Variants in LRRFIP1 observed in about 807,000 individuals in gnomAD.
The protein encoded by LRRFIP1 is LRR binding FLII interacting protein 1, also known as leucine-rich repeat flightless-interacting protein 1.
In LRRFIP1, 62 loss-of-function variants were observed where a neutral mutation model predicts 104.4. That is an observed-to-expected ratio of 0.59 (90% CI 0.48 to 0.73). The LOEUF (loss-of-function observed/expected upper bound fraction) is 0.73. Among genes scored for constraint, LRRFIP1 ranks in the 30% least tolerant of loss-of-function variants. The pLI, the probability that LRRFIP1 is intolerant of heterozygous loss-of-function variation, is 0.00. For synonymous variants in LRRFIP1, 300 were observed against 299.0 expected (o/e 1.00, Z -0.03); for missense variants, 796 against 824.5 (o/e 0.97, Z 0.42).
At chr2:237,658,446 T>C (rs1002001591) in intron 1 of LRRFIP1, among the ~76,000 whole-genome samples, 2 of 152,192 alleles carry the variant, frequency 1.3e-5, no homozygotes, top group African/African-American at 2.4e-5. Flanking sequence ...AAAACTTGTA[T>C]GGAAAAATTA....
Position 237,747,738 on chromosome 2 carries a change from A to G in LRRFIP1, c.634-626A>G, listed in dbSNP as rs548677530. Among the ~76,000 whole-genome samples the G allele has an allele frequency of 1.7e-4, 26 of 152,258 alleles. No individual in the cohort carries two copies. In the South Asian group the frequency reaches 5.0e-3, roughly 29 times the overall value. Reference sequence around the variant, plus strand: ...TACGGGAAGTTGGGTTGAAGGCATGATGGGGAAAACATGATTAGTTGACAG... The same window carrying G: ...TACGGGAAGTTGGGTTGAAGGCATGGTGGGGAAAACATGATTAGTTGACAG... On this transcript the variant is annotated intron_variant, in intron 11 of 23. Coordinates refer to ENST00000308482, the MANE Select transcript of LRRFIP1 (RefSeq NM_001137550.2).
In LRRFIP1 at chr2:237,756,143, G is replaced by A. The variant is rs779001514; in HGVS notation, c.1087G>A (p.Ala363Thr). The change falls in exon 16 of 24, where the codon GCT (alanine) becomes ACT (threonine). Residue 363 changes from alanine (A) to threonine (T), a missense_variant. Coordinates refer to ENST00000308482, the MANE Select transcript of LRRFIP1 (RefSeq NM_001137550.2). Reference sequence around the variant, plus strand: ...CCACAGTATACTGCAATTTCAGTTTGCTGAAGTCAAGGAGGCCCTGAAGCA... The same window carrying A: ...CCACAGTATACTGCAATTTCAGTTTACTGAAGTCAAGGAGGCCCTGAAGCA... ...HAHSILQFQFAEVKEALKQRE... is the reference protein window; with the variant it reads ...HAHSILQFQFTEVKEALKQRE... The A allele has an allele frequency of 6.2e-7, 1 of 1,614,080 alleles. No homozygotes were observed. Among genetic ancestry groups the A allele is most frequent in the Non-Finnish European group, 8.5e-7 (1 of 1,179,994 alleles).
intron 1 of LRRFIP1, among the ~76,000 whole-genome samples, chr2:237,674,909 C>T (rs2090906530): frequency 6.6e-6 from 1 of 152,264 alleles, no homozygotes; most frequent in Non-Finnish European, 1.5e-5. Context: ...CACTGCAAAC[C>T]CTCCCTTCCT....
Position 237,779,518 on chromosome 2 carries a change from T to C in LRRFIP1, c.1909T>C (p.Leu637=), listed in dbSNP as rs750810705. 3 of 1,613,308 alleles carry C rather than the reference T, an allele frequency of 1.9e-6. No individual in the cohort carries two copies. In the Admixed American group the frequency reaches 5.0e-5, roughly 27 times the overall value. The change falls in exon 24 of 24, where the codon TTG becomes CTG. Residue 637 remains leucine, a synonymous_variant. Coordinates refer to ENST00000308482, the MANE Select transcript of LRRFIP1 (RefSeq NM_001137550.2). ...AATGAAAGCAAATCGGAGTGCACTCTTGTCCCAGCAGTAAATTCCAGCTCT... is the reference window on the plus strand; with the variant it reads ...AATGAAAGCAAATCGGAGTGCACTCCTGTCCCAGCAGTAAATTCCAGCTCT... ...EKMKANRSAL[L]SQQ is the part of the protein sequence containing the mutation.
At chr2:237,708,400 C>G (rs560606184) in intron 1 of LRRFIP1, 144 bp from the exon 2 acceptor site, 35 of 615,254 alleles carry the variant, frequency 5.7e-5, no homozygotes, top group Middle Eastern at 4.5e-4. Context: ...TCCTGACCAC[C>G]CTTTTACTCT....
intron 19 of LRRFIP1, among the ~76,000 whole-genome samples, chr2:237,761,149 C>A (rs1450129419): frequency 1.3e-5 from 2 of 152,246 alleles, no homozygotes; most frequent in East Asian, 1.9e-4. Context: ...CAGGCCCCAT[C>A]TTCTCAGGCC....
At chr2:237,764,266 C>T in intron 19 of LRRFIP1, 1 of 1,590,538 alleles carries the variant, frequency 6.3e-7, no homozygotes, top group South Asian at 1.1e-5. Flanking sequence ...TTACCAGGTG[C>T]TCTACTGCTT....
At chr2:237,694,483 A>C (rs892066025) in intron 1 of LRRFIP1, among the ~76,000 whole-genome samples, 2 of 151,458 alleles carry the variant, frequency 1.3e-5, no homozygotes, top group Admixed American at 1.3e-4. Context: ...GGTGGGGGGT[A>C]GGGCGTCACC....
At position 237,631,769 on chromosome 2, in the gene LRRFIP1, T is replaced by C. The variant is rs993489527; in HGVS notation, c.96+4029T>C. 2.6e-5 allele frequency among the ~76,000 whole-genome samples: 4 copies of C among 152,328 alleles called. No homozygotes were observed. The East Asian group carries it at 5.8e-4, about 22-fold the overall frequency. ...CAAAGTATTGCTCTCAAATGAAGAATGTTTTTCCCAACAGGAACAGTCATT... is the reference window on the plus strand; with the variant it reads ...CAAAGTATTGCTCTCAAATGAAGAACGTTTTTCCCAACAGGAACAGTCATT... On this transcript the variant is annotated intron_variant, in intron 1 of 23. Coordinates refer to ENST00000308482, the MANE Select transcript of LRRFIP1 (RefSeq NM_001137550.2).
chr2:237,678,786 G>C (rs1322607352), intron 1 of LRRFIP1, among the ~76,000 whole-genome samples: 2 of 152,264 alleles, frequency 1.3e-5, no homozygotes, highest in East Asian at 1.9e-4. Context: ...GGGATTACAG[G>C]TGTGAGCCAC....
chr2:237,631,917 C>T, intron 1 of LRRFIP1, among the ~76,000 whole-genome samples: 1 of 152,228 alleles, frequency 6.6e-6, no homozygotes, highest in South Asian at 2.1e-4. Flanking sequence ...CCCCCCATAA[C>T]TGTTTCTGCA....
chr2:237,779,731 C>T lies in LRRFIP1; in HGVS notation c.*199C>T, dbSNP rs1057346535. On this transcript the variant is annotated 3_prime_UTR_variant, in exon 24 of 24. Transcript: ENST00000308482. Reference sequence around the variant, plus strand: ...GCCACCAGGTGCCTCTGTCTGCAGACCCCTGGCCCGGGCTGGCGCCGACGC... The same window carrying T: ...GCCACCAGGTGCCTCTGTCTGCAGATCCCTGGCCCGGGCTGGCGCCGACGC... 4.0e-6 allele frequency: 2 copies of T among 496,472 alleles called. No individual in the cohort carries two copies. The highest frequency in any genetic ancestry group is 7.3e-6 in the Non-Finnish European group (2 of 274,338). 30.8% of individuals were successfully genotyped at this position (496,472 alleles called of 1,614,324 possible).
intron 1 of LRRFIP1, among the ~76,000 whole-genome samples, chr2:237,665,867 C>A (rs2089124887): frequency 6.6e-6 from 1 of 152,212 alleles, no homozygotes; most frequent in South Asian, 2.1e-4. Context: ...TCTTGATTTG[C>A]AAGAACACCT....
intron 19 of LRRFIP1, chr2:237,765,969 A>G (rs2060229296): frequency 1.3e-5 from 12 of 951,478 alleles, no homozygotes; most frequent in Non-Finnish European, 7.5e-6. Context: ...CTACTGTTGT[A>G]TGTAATACCA....
intron 1 of LRRFIP1, among the ~76,000 whole-genome samples, chr2:237,673,071 C>T (rs2090585643): frequency 1.3e-5 from 2 of 152,264 alleles, no homozygotes; most frequent in Non-Finnish European, 2.9e-5. Flanking sequence ...GAGGGACCTT[C>T]TCTTCAGGTG....
rs1321810080 is a variant in LRRFIP1, at chr2:237,766,220, CTACT to C, written c.1460-3719_1460-3716del. Among the ~76,000 whole-genome samples, 2 of 152,200 alleles carry C rather than the reference CTACT, an allele frequency of 1.3e-5. No homozygotes were observed. Among genetic ancestry groups the C allele is most frequent in the Non-Finnish European group, 2.9e-5 (2 of 68,038 alleles). On this transcript the variant is annotated intron_variant, in intron 19 of 23. Transcript: ENST00000308482. This position sits in a 1 kb window ranked among gnomAD's most constrained non-coding sequence, Gnocchi z 4.8. ...CCTGTGGCTGTGCTTACCTGCGCCA[CTACT>C]TACAGTGTTTTGAAGAGCAGGATGA...
In LRRFIP1 at chr2:237,735,594, C is replaced by T. The variant is rs1012688179; in HGVS notation, c.555+261C>T. 9.4e-6 allele frequency: 4 copies of T among 423,728 alleles called. No individual in the cohort carries two copies. Among genetic ancestry groups the T allele is most frequent in the African/African-American group, 8.1e-5 (4 of 49,276 alleles). 26.2% of individuals were successfully genotyped at this position (423,728 alleles called of 1,614,324 possible). A position where few individuals can be genotyped will look rare whatever the true frequency, so the allele number is the denominator to read the frequency against. ...TTCATCTGCTCTCTCTGCAGCACGC[C>T]AACCATACTAACAGGTGGTGAAACC... On this transcript the variant is annotated intron_variant, in intron 10 of 23. Transcript: ENST00000308482. The surrounding 1 kb of genome is among the most constrained non-coding windows in gnomAD (Gnocchi z 4.6).
chr2:237,663,174 G>T (rs1036356975), intron 1 of LRRFIP1, among the ~76,000 whole-genome samples: 1 of 152,128 alleles, frequency 6.6e-6, no homozygotes, highest in Admixed American at 6.5e-5. Flanking sequence ...TTTAGGGCTC[G>T]CCTGCCCTGC....
At chr2:237,740,502 A>C (rs549697118) in intron 11 of LRRFIP1, among the ~76,000 whole-genome samples, 2 of 152,164 alleles carry the variant, frequency 1.3e-5, no homozygotes, top group Non-Finnish European at 2.9e-5. Context: ...ACCATACTTC[A>C]GCGTGCTGAT....
Sources: gnomAD v4.1 joint callset for allele counts (sites outside exome capture counted in the v4.1 genomes callset) on GRCh38, gnomAD v4.1.1 for gene constraint, Gnocchi (gnomAD v3.1) non-coding constraint, MANE v1.5 for transcripts, NCBI Gene and HGNC (gene_info 2026-07-23, HGNC 2026-07-21) for gene names.